BIN1: variants seen among roughly 807,000 people sequenced by gnomAD.
BIN1 encodes the protein bridging integrator 1.
Under a neutral mutation model 82.0 loss-of-function variants are expected in BIN1, and 53 were observed. The ratio of observed to expected loss-of-function variants is 0.65; its 90% CI spans 0.52 to 0.81. The LOEUF is 0.81. Ranked by LOEUF, BIN1 falls within the 40% of genes least tolerant of loss-of-function variation. BIN1 has a pLI of 0.00. For synonymous variants in BIN1, 302 were observed against 328.0 expected, an observed-to-expected ratio of 0.92 and a Z score of 0.86; for missense variants, 642 against 784.4, an observed-to-expected ratio of 0.82 and a Z score of 2.17.
At position 127,107,066 on chromosome 2, in the gene BIN1, C is replaced by A. The variant is rs1372834762; in HGVS notation, c.-123G>T. 14 of 1,044,222 alleles carry A rather than the reference C, an allele frequency of 1.3e-5. 1 individual carries two copies. In the South Asian group the frequency reaches 3.3e-4, roughly 25 times the overall value. The allele number at this position is 1,044,222 out of a possible 1,614,324, so 64.7% of individuals were successfully genotyped here. On this transcript the variant is annotated 5_prime_UTR_variant, in exon 1 of 19. Coordinates refer to ENST00000316724, the MANE Select transcript of BIN1 (RefSeq NM_139343.3). This position sits in a 1 kb window ranked among gnomAD's most constrained non-coding sequence, Gnocchi z 5.9. ...CGGCTGCCGCTCCACGCCGCGCACC[C>A]GACAGCGGAGCCAACTGACGGAGGC...
At chr2:127,079,013 G>A (rs1030253901) in intron 1 of BIN1, among the ~76,000 whole-genome samples, 3 of 152,154 alleles carry the variant, frequency 2.0e-5, no homozygotes, top group South Asian at 4.1e-4. Flanking sequence ...CCCCTTCCAC[G>A]CCCTGCCCTC....
intron 5 of BIN1, 118 bp downstream of exon 5, chr2:127,069,877 A>G: frequency 9.7e-7 from 1 of 1,031,182 alleles, no homozygotes; most frequent in Non-Finnish European, 1.5e-6. Flanking sequence ...ACACCGGGCC[A>G]GGCGCTTCCT....
chr2:127,054,483 A>T lies in BIN1; in HGVS notation c.1132-471T>A, dbSNP rs536821359. 4.7e-3 allele frequency: 840 copies of T among 176,916 alleles called. 7 individuals are homozygous for T. The highest frequency in any genetic ancestry group is 0.019 in the African/African-American group (818 of 42,360). 11.0% of individuals were successfully genotyped at this position (176,916 alleles called of 1,614,324 possible). On this transcript the variant is annotated intron_variant, in intron 12 of 18. Coordinates refer to ENST00000316724, the MANE Select transcript of BIN1 (RefSeq NM_139343.3). ...GTAACACCATGCCACAGCCACCCTC[A>T]GTGCTCCCGACTGGGAAAGTTCCAA... is the stretch of plus-strand genomic sequence containing the variant.
At chr2:127,060,458 C>G (rs989049578) in intron 10 of BIN1, 213 of 1,329,364 alleles carry the variant, frequency 1.6e-4, no homozygotes, top group Non-Finnish European at 2.1e-4. Context: ...AACACGCACA[C>G]GACAGCCCTG....
chr2:127,059,958 C>T lies in BIN1; in HGVS notation c.858-803G>A, dbSNP rs958352588. ...CACAGGCGGCAATGCAAACTCAAAG[C>T]AATGAAATTTACGTGTAATTCAAAT... On this transcript the variant is annotated intron_variant, in intron 10 of 18. Coordinates refer to ENST00000316724, the MANE Select transcript of BIN1 (RefSeq NM_139343.3). This position sits in a 1 kb window ranked among gnomAD's most constrained non-coding sequence, Gnocchi z 6.7. Among the ~76,000 whole-genome samples the T allele has an allele frequency of 2.6e-5, 4 of 152,146 alleles. No homozygotes were observed. The highest frequency in any genetic ancestry group is 5.9e-5 in the Non-Finnish European group (4 of 68,016).
At chr2:127,053,580 A>C in intron 13 of BIN1, 135 bp from the exon 14 acceptor site, 1 of 1,189,926 alleles carries the variant, frequency 8.4e-7, no homozygotes, top group Non-Finnish European at 1.2e-6. Flanking sequence ...GCTCGGAGCC[A>C]GGTAGACTCC....
intron 1 of BIN1, among the ~76,000 whole-genome samples, chr2:127,095,934 G>A (rs145678954): frequency 5.3e-5 from 8 of 152,268 alleles, no homozygotes; most frequent in Admixed American, 3.9e-4. Flanking sequence ...TACAGGAGTC[G>A]GGAGTTCACC....
Position 127,059,329 on chromosome 2 carries a change from G to A in BIN1, c.858-174C>T, listed in dbSNP as rs1024973643. On this transcript the variant is annotated intron_variant, in intron 10 of 18. Coordinates refer to ENST00000316724, the MANE Select transcript of BIN1 (RefSeq NM_139343.3). The surrounding 1 kb of genome is among the most constrained non-coding windows in gnomAD (Gnocchi z 6.7). ...GAGCAGGAGGGTGGGGGGAGCCAAG[G>A]GACCTGGGCTTGGGGGGCTGGAAGT... is the stretch of plus-strand genomic sequence containing the variant. Among the ~76,000 whole-genome samples the A allele has an allele frequency of 2.0e-5, 3 of 151,430 alleles. No individual in the cohort carries two copies. The highest frequency in any genetic ancestry group is 4.4e-5 in the Non-Finnish European group (3 of 67,782).
At position 127,076,652 on chromosome 2, in the gene BIN1, A is replaced by G. The variant is rs1054543683; in HGVS notation, c.139T>C (p.Cys47Arg). ...AGCTGCTTGTTGAAATTCTGGACGC[A>G]CTGCTCAAACTGCTCATCCTTGGTC... ...DETKDEQFEQ[C>R]VQNFNKQLTE... is the part of the protein sequence containing the mutation. The change falls in exon 2 of 19, where the codon TGC becomes CGC. Residue 47 changes from cysteine to arginine, a missense_variant. Transcript: ENST00000316724. 8.7e-6 allele frequency: 14 copies of G among 1,614,154 alleles called. No individual in the cohort carries two copies. Among genetic ancestry groups the G allele is most frequent in the South Asian group, 1.1e-5 (1 of 91,080 alleles).
rs2104862672 is a variant in BIN1, at chr2:127,050,810, T to A, written c.1564A>T (p.Met522Leu). Residue 522 changes from methionine to leucine, a missense_variant, in exon 17 of 19, where the codon ATG (methionine) becomes TTG (leucine). Transcript: ENST00000316724. ...AGRLDLPPGF[M>L]FKVQAQHDYT... is the part of the protein sequence containing the mutation. ...AGAGGCTGTGGGCTCACCTTGAACA[T>A]GAAACCTGGGGGCAGGTCCAAGCGC... 6.2e-7 allele frequency: 1 copy of A among 1,613,474 alleles called. No homozygotes were observed. Among genetic ancestry groups the A allele is most frequent in the Non-Finnish European group, 8.5e-7 (1 of 1,179,988 alleles).
At chr2:127,071,423 A>C (rs1427094775) in intron 2 of BIN1, among the ~76,000 whole-genome samples, 2 of 152,210 alleles carry the variant, frequency 1.3e-5, no homozygotes, top group African/African-American at 4.8e-5. Context: ...GGCCCAGCTG[A>C]CAGCAGGGAC....
At chr2:127,061,203 C>G (rs1684422531) in intron 10 of BIN1, among the ~76,000 whole-genome samples, 1 of 146,696 alleles carries the variant, frequency 6.8e-6, no homozygotes, top group African/African-American at 2.5e-5. Flanking sequence ...AACCCCCACC[C>G]CGCTACCCAC....
At chr2:127,050,392 G>A (rs768318573) in intron 18 of BIN1, 29 bp downstream of exon 18, 16 of 1,612,174 alleles carry the variant, frequency 9.9e-6, no homozygotes, top group Non-Finnish European at 1.4e-5. Context: ...TGGTCCCCCT[G>A]CGCTCTGGCG....
intron 1 of BIN1, among the ~76,000 whole-genome samples, chr2:127,102,213 G>C (rs1680442667): frequency 6.6e-6 from 1 of 152,204 alleles, no homozygotes; most frequent in Non-Finnish European, 1.5e-5. Context: ...CTACCTCCAA[G>C]GGTAGGACTC....
intron 1 of BIN1, among the ~76,000 whole-genome samples, chr2:127,105,660 CT>C (rs1016885087): frequency 7.2e-4 from 109 of 152,252 alleles, no homozygotes; most frequent in African/African-American, 2.6e-3. Context: ...AGGCGCCCCC[CT>C]CTCCCCCATC....
rs1683226792 is a variant in BIN1 at position 127,053,456 on chromosome 2, C to A, written c.1240-11G>T. On this transcript the variant is annotated splice_polypyrimidine_tract_variant and intron_variant, in intron 13 of 18. Coordinates refer to ENST00000316724, the MANE Select transcript of BIN1 (RefSeq NM_139343.3). Reference sequence around the variant, plus strand: ...GTCCCATGGAATTGACTGAGCGCAGCAGTGAGGGCGAGAAGGACAGTTAGC... The same window carrying A: ...GTCCCATGGAATTGACTGAGCGCAGAAGTGAGGGCGAGAAGGACAGTTAGC... 1 of 1,613,640 alleles carries A rather than the reference C, an allele frequency of 6.2e-7. No homozygotes were observed. Among genetic ancestry groups the A allele is most frequent in the African/African-American group, 1.3e-5 (1 of 74,928 alleles).
At chr2:127,069,238 C>A (rs556937098) in intron 5 of BIN1, among the ~76,000 whole-genome samples, 1 of 152,322 alleles carries the variant, frequency 6.6e-6, no homozygotes, top group African/African-American at 2.4e-5. Flanking sequence ...CACTTCCTTG[C>A]ACATGAGCCC....
In BIN1 at chr2:127,101,481, C is replaced by G. The variant is rs148912126; in HGVS notation, c.84+5379G>C. Among the ~76,000 whole-genome samples, 13 of 152,276 alleles carry G rather than the reference C, an allele frequency of 8.5e-5. No homozygotes were observed. In the East Asian group the frequency reaches 2.3e-3, roughly 27 times the overall value. ...CCTGAGGGCAGGTGAGTCCCTGCCT[C>G]ACCACCCCTCTAAGCACCTGCCACT... On this transcript the variant is annotated intron_variant, in intron 1 of 18. Transcript: ENST00000316724.
chr2:127,100,313 G>A (rs561521715), intron 1 of BIN1, among the ~76,000 whole-genome samples: 10 of 151,238 alleles, frequency 6.6e-5, no homozygotes, highest in South Asian at 2.1e-4. Flanking sequence ...CTGGGGGTCC[G>A]ACAGGGGCCC....
Sources: allele counts gnomAD v4.1 joint callset (sites outside exome capture counted in the v4.1 genomes callset), GRCh38; gene constraint gnomAD v4.1.1; non-coding constraint Gnocchi (gnomAD v3.1); transcripts MANE v1.5; gene names NCBI Gene and HGNC (gene_info 2026-07-23, HGNC 2026-07-21).